Variants in CNTNAP3B observed in about 807,000 individuals in gnomAD.
CNTNAP3B encodes the protein contactin-associated protein-like 3B.
A neutral mutation model predicts 108.9 loss-of-function variants in CNTNAP3B; 25 were observed. The ratio of observed to expected loss-of-function variants is 0.23; its 90% CI spans 0.17 to 0.32. The LOEUF is 0.32. CNTNAP3B is among the 10% of genes least tolerant of loss of function. CNTNAP3B has a pLI of 1.00. For synonymous variants in CNTNAP3B, 103 were observed against 473.4 expected (o/e 0.22, Z 10.16); for missense variants, 252 against 1,210.4 (o/e 0.21, Z 11.75).
chr9:41,952,026 C>A (rs1421535871), intron 13 of CNTNAP3B, among the ~76,000 whole-genome samples: 2 of 152,244 alleles, frequency 1.3e-5, no homozygotes. Flanking sequence ...TTGCAGTGAG[C>A]AAAGATCGTG....
At chr9:41,977,921 G>C (rs1379239181) in intron 9 of CNTNAP3B, among the ~76,000 whole-genome samples, 1 of 142,328 alleles carries the variant, frequency 7.0e-6, no homozygotes, top group Non-Finnish European at 1.5e-5. Flanking sequence ...GTGAGCCACT[G>C]TGCCTGGCCG....
At chr9:42,124,328 T>C (rs1828522383) in intron 1 of CNTNAP3B, among the ~76,000 whole-genome samples, 1 of 134,388 alleles carries the variant, frequency 7.4e-6, no homozygotes. Flanking sequence ...GCTAAGCATA[T>C]ACTCCATTTT....
intron 13 of CNTNAP3B, among the ~76,000 whole-genome samples, chr9:41,951,871 G>A (rs1355899865): frequency 6.6e-6 from 1 of 152,202 alleles, no homozygotes; most frequent in African/African-American, 2.4e-5. Flanking sequence ...GAGGTCAGGA[G>A]TTCAAGAACA....
At chr9:42,112,922 T>A (rs1305311674) in intron 1 of CNTNAP3B, among the ~76,000 whole-genome samples, 2 of 124,640 alleles carry the variant, frequency 1.6e-5, no homozygotes, top group Non-Finnish European at 3.3e-5. Flanking sequence ...CAGGCTAAAT[T>A]TTTTTTGTAT....
chr9:41,918,214 A>G (rs1342939768), intron 18 of CNTNAP3B, among the ~76,000 whole-genome samples: 1 of 150,780 alleles, frequency 6.6e-6, no homozygotes, highest in Admixed American at 6.6e-5. Flanking sequence ...CTCCTGAAGT[A>G]ACTAGAGAAA....
intron 3 of CNTNAP3B, among the ~76,000 whole-genome samples, chr9:42,042,332 G>A (rs1416806202): frequency 9.6e-4 from 111 of 115,334 alleles, no homozygotes; most frequent in East Asian, 1.6e-3. Flanking sequence ...GTCAATTTTC[G>A]CTCTTATAAA....
chr9:41,935,134 T>C, intron 14 of CNTNAP3B, among the ~76,000 whole-genome samples: 1 of 152,418 alleles, frequency 6.6e-6, no homozygotes, highest in South Asian at 2.1e-4. Flanking sequence ...TTTAAATCAT[T>C]ATAGTGCCTT....
chr9:42,112,967 A>G (rs78496043), intron 1 of CNTNAP3B, among the ~76,000 whole-genome samples: 46,706 of 119,806 alleles, frequency 0.39, 12,015 homozygotes, highest in East Asian at 0.65. Flanking sequence ...ATGTTAGCCA[A>G]GATAGTATCG....
intron 2 of CNTNAP3B, among the ~76,000 whole-genome samples, chr9:42,098,496 T>C (rs1329780256): frequency 1.0e-5 from 1 of 98,976 alleles, no homozygotes; most frequent in African/African-American, 4.2e-5. Context: ...GGCAGGAGAA[T>C]GGCATGAACC....
chr9:41,928,553 A>T (rs1327378931), intron 15 of CNTNAP3B, among the ~76,000 whole-genome samples: 1 of 152,264 alleles, frequency 6.6e-6, no homozygotes, highest in Non-Finnish European at 1.5e-5. Flanking sequence ...ACACCACACC[A>T]TCTGGCACAC....
intron 2 of CNTNAP3B, among the ~76,000 whole-genome samples, chr9:42,096,118 C>A (rs1335822186): frequency 7.1e-6 from 1 of 140,136 alleles, no homozygotes; most frequent in Non-Finnish European, 1.5e-5. Context: ...GGCGTCCAGT[C>A]CTGTCACTGA....
rs1564148370 is a variant in CNTNAP3B, at chr9:41,934,176, T to TATATAC, written c.2237+4067_2237+4068insGTATAT. ...ATATATACACACACACACATATATA[T>TATATAC]ACACACACACACATATATATATACA... On this transcript the variant is annotated intron_variant, in intron 14 of 23. Transcript: ENST00000377561. Among the ~76,000 whole-genome samples, 3 of 106,120 alleles carry TATATAC rather than the reference T, an allele frequency of 2.8e-5. No homozygotes were observed. The Admixed American group carries it at 3.0e-4, about 11-fold the overall frequency. The allele number at this position is 106,120 out of a possible 152,430, so 69.6% of individuals were successfully genotyped here. A position where few individuals can be genotyped will look rare whatever the true frequency, so the allele number is the denominator to read the frequency against.
At chr9:42,087,120 A>C (rs2118652583) in intron 2 of CNTNAP3B, among the ~76,000 whole-genome samples, 1 of 142,468 alleles carries the variant, frequency 7.0e-6, no homozygotes, top group South Asian at 2.3e-4. Flanking sequence ...GATTGTTACT[A>C]CTACATAAAA....
intron 2 of CNTNAP3B, among the ~76,000 whole-genome samples, chr9:42,078,843 C>T (rs1258914552): frequency 4.0e-5 from 6 of 151,014 alleles, no homozygotes; most frequent in Admixed American, 3.9e-4. Flanking sequence ...AGTTTCTTCT[C>T]TCTGCTCATT....
intron 13 of CNTNAP3B, among the ~76,000 whole-genome samples, chr9:41,948,174 C>T (rs1824580405): frequency 6.7e-6 from 1 of 148,844 alleles, no homozygotes; most frequent in Non-Finnish European, 1.5e-5. Context: ...TCACTGCAAC[C>T]TCTGCCTCCC....
Position 42,076,356 on chromosome 9 carries a change from G to A in CNTNAP3B, c.390+513C>T, listed in dbSNP as rs1323679614. Among the ~76,000 whole-genome samples the A allele has an allele frequency of 3.0e-5, 4 of 132,322 alleles. 1 individual carries two copies. Among genetic ancestry groups the A allele is most frequent in the African/African-American group, 1.2e-4 (4 of 32,678 alleles). The allele number at this position is 132,322 out of a possible 152,430, so 86.8% of individuals were successfully genotyped here. A position where few individuals can be genotyped will look rare whatever the true frequency, so the allele number is the denominator to read the frequency against. ...CAGAAGAATTGTTTGAACCTGGGAGGCAGAGGCTGCAGTGAGCCAAGATTG... is the reference window on the plus strand; with the variant it reads ...CAGAAGAATTGTTTGAACCTGGGAGACAGAGGCTGCAGTGAGCCAAGATTG... On this transcript the variant is annotated intron_variant, in intron 3 of 23. Coordinates refer to ENST00000377561, the MANE Select transcript of CNTNAP3B (RefSeq NM_001201380.3).
chr9:41,990,287 T>C (rs1422300080), intron 8 of CNTNAP3B, among the ~76,000 whole-genome samples: 2 of 133,592 alleles, frequency 1.5e-5, no homozygotes, highest in South Asian at 2.5e-4. Flanking sequence ...TGTATCTGTG[T>C]GTGGGTCACG....
rs1240272047 is a variant in CNTNAP3B, at chr9:42,077,393, G to A, written c.197-331C>T. ...CAAGATTTGCCCTTTGCCAACATAA[G>A]AGACTAAATTCCAGTAGTAGGAAGT... On this transcript the variant is annotated intron_variant, in intron 2 of 23. Coordinates refer to ENST00000377561, the MANE Select transcript of CNTNAP3B (RefSeq NM_001201380.3). Among the ~76,000 whole-genome samples, 6 of 136,214 alleles carry A rather than the reference G, an allele frequency of 4.4e-5. 2 individuals are homozygous for A. The highest frequency in any genetic ancestry group is 9.3e-5 in the Non-Finnish European group (6 of 64,200). The allele number at this position is 136,214 out of a possible 152,430, so 89.4% of individuals were successfully genotyped here.
At chr9:41,923,667 C>T (rs1401210187) in intron 16 of CNTNAP3B, among the ~76,000 whole-genome samples, 1 of 152,406 alleles carries the variant, frequency 6.6e-6, no homozygotes, top group East Asian at 1.9e-4. Flanking sequence ...GAGACTGAGG[C>T]AGGAGAATTG....
Sources: gnomAD v4.1 joint callset for allele counts (sites outside exome capture counted in the v4.1 genomes callset) on GRCh38, gnomAD v4.1.1 for gene constraint, MANE v1.5 for transcripts, NCBI Gene and HGNC (gene_info 2026-07-23, HGNC 2026-07-21) for gene names.